EGFLAM: variants seen among roughly 807,000 people sequenced by gnomAD.
EGFLAM encodes the protein EGF like, fibronectin type III and laminin G domains, also known as pikachurin.
In EGFLAM, 79 loss-of-function variants were observed where a neutral mutation model predicts 113.1. The ratio of observed to expected loss-of-function variants is 0.70; its 90% confidence interval spans 0.58 to 0.84. The LOEUF is 0.84. EGFLAM is among the 40% of genes least tolerant of loss of function. The pLI is 0.00. For missense variants in EGFLAM, 1,265 were observed against 1,291.6 expected (o/e 0.98, Z 0.32); for synonymous variants, 504 against 487.6 (o/e 1.03, Z -0.44).
At chr5:38,337,409 T>C in intron 1 of EGFLAM, 111 bp from the exon 2 acceptor site, 1 of 1,015,014 alleles carries the variant, frequency 9.9e-7, no homozygotes, top group Non-Finnish European at 1.4e-6. Context: ...TCTGGAATTA[T>C]CTTTAAGTAT....
At chr5:38,414,883 C>T (rs950857942) in intron 11 of EGFLAM, among the ~76,000 whole-genome samples, 12 of 152,126 alleles carry the variant, frequency 7.9e-5, no homozygotes, top group Admixed American at 2.0e-4. Flanking sequence ...CCTAATCATA[C>T]AAAGGGACAG....
chr5:38,259,462 G>A lies in EGFLAM; in HGVS notation c.97+611G>A, dbSNP rs562346282. On this transcript the variant is annotated intron_variant, in intron 1 of 21. Coordinates refer to ENST00000322350, the MANE Select transcript of EGFLAM (RefSeq NM_152403.4). ...AACAAAGAAATGTACGTTGTAACCT[G>A]TTATAAGGGACTGGGAATTGGGGGA... Among the ~76,000 whole-genome samples, 14 of 152,326 alleles carry A rather than the reference G, an allele frequency of 9.2e-5. No individual in the cohort carries two copies. In the East Asian group the frequency reaches 1.7e-3, roughly 19 times the overall value.
chr5:38,448,654 G>A (rs1479907631), intron 18 of EGFLAM, among the ~76,000 whole-genome samples: 2 of 152,190 alleles, frequency 1.3e-5, no homozygotes, highest in African/African-American at 4.8e-5. Context: ...TGGAGAGAGA[G>A]ACACGACTGG....
chr5:38,420,260 A>T (rs1477573853), intron 12 of EGFLAM, among the ~76,000 whole-genome samples: 1 of 152,248 alleles, frequency 6.6e-6, no homozygotes, highest in Non-Finnish European at 1.5e-5. Context: ...ACTATAAAAG[A>T]TGAAGTTTAC....
intron 18 of EGFLAM, 44 bp from the exon 19 acceptor site, chr5:38,451,271 T>A (rs755517785): frequency 2.5e-6 from 4 of 1,597,524 alleles, no homozygotes; most frequent in Admixed American, 1.7e-5. Flanking sequence ...CGGAAACAGA[T>A]GTTGGTGGTT....
chr5:38,308,457 C>A (rs1237472108), intron 1 of EGFLAM, among the ~76,000 whole-genome samples: 1 of 152,190 alleles, frequency 6.6e-6, no homozygotes, highest in African/African-American at 2.4e-5. Context: ...TGGAAGAACA[C>A]CAATTTTGGA....
chr5:38,423,666 G>A (rs527711757), intron 12 of EGFLAM, among the ~76,000 whole-genome samples: 1 of 152,164 alleles, frequency 6.6e-6, no homozygotes, highest in Non-Finnish European at 1.5e-5. Context: ...AATGCTGGGG[G>A]TGACATTCTT....
chr5:38,412,728 C>T (rs1193239779), intron 11 of EGFLAM, 80 bp downstream of exon 11: 18 of 1,528,612 alleles, frequency 1.2e-5, no homozygotes, highest in African/African-American at 5.5e-5. Context: ...TGCAGAGAGC[C>T]GTGGCAGAGT....
At chr5:38,278,069 C>T (rs1757928209) in intron 1 of EGFLAM, among the ~76,000 whole-genome samples, 1 of 151,860 alleles carries the variant, frequency 6.6e-6, no homozygotes, top group African/African-American at 2.4e-5. Flanking sequence ...CCACAAAAGG[C>T]CCCAAATAAC....
chr5:38,453,747 T>A (rs1742995393), intron 19 of EGFLAM, among the ~76,000 whole-genome samples: 1 of 152,174 alleles, frequency 6.6e-6, no homozygotes, highest in Non-Finnish European at 1.5e-5. Flanking sequence ...TACTTGATTG[T>A]GCCCAGAAAA....
chr5:38,308,386 C>A (rs917606013), intron 1 of EGFLAM, among the ~76,000 whole-genome samples: 1 of 151,752 alleles, frequency 6.6e-6, no homozygotes, highest in East Asian at 1.9e-4. Flanking sequence ...GCTCATGAGA[C>A]CCTCCGCATG....
chr5:38,287,394 T>C (rs755539314), intron 1 of EGFLAM, among the ~76,000 whole-genome samples: 1 of 152,156 alleles, frequency 6.6e-6, no homozygotes, highest in Non-Finnish European at 1.5e-5. Context: ...GTTTTTGAGA[T>C]GAGGTCTCAC....
chr5:38,263,634 G>T (rs1056303292), intron 1 of EGFLAM, among the ~76,000 whole-genome samples: 1 of 152,096 alleles, frequency 6.6e-6, no homozygotes, highest in Non-Finnish European at 1.5e-5. Flanking sequence ...AAATGTAGAA[G>T]ATTTACATTT....
chr5:38,447,142 C>T (rs1378101354), intron 17 of EGFLAM, among the ~76,000 whole-genome samples: 1 of 152,166 alleles, frequency 6.6e-6, no homozygotes, highest in African/African-American at 2.4e-5. Context: ...GCCTCATCCC[C>T]CGTTCATGAC....
chr5:38,384,405 G>T (rs1046473426), intron 6 of EGFLAM, among the ~76,000 whole-genome samples: 1 of 152,094 alleles, frequency 6.6e-6, no homozygotes, highest in Non-Finnish European at 1.5e-5. Context: ...TGGTTACACC[G>T]CTCCATTCTC....
At chr5:38,445,092 A>G (rs1742664271) in intron 17 of EGFLAM, among the ~76,000 whole-genome samples, 1 of 152,044 alleles carries the variant, frequency 6.6e-6, no homozygotes, top group Non-Finnish European at 1.5e-5. Context: ...TAGTTTGACT[A>G]TTTTTTATTC....
chr5:38,448,171 C>T (rs1742781466), intron 17 of EGFLAM, 130 bp from the exon 18 acceptor site: 13 of 1,012,998 alleles, frequency 1.3e-5, no homozygotes, highest in Non-Finnish European at 2.0e-5. Context: ...TGCGTGCAGC[C>T]GAAGGGAAGG....
chr5:38,372,205 C>T (rs1740242108), intron 6 of EGFLAM, among the ~76,000 whole-genome samples: 1 of 151,720 alleles, frequency 6.6e-6, no homozygotes, highest in Non-Finnish European at 1.5e-5. Flanking sequence ...TGCAATGGCG[C>T]GATCTCGGCT....
chr5:38,403,563 C>A (rs960729169), intron 6 of EGFLAM: 37 of 347,044 alleles, frequency 1.1e-4, no homozygotes, highest in Non-Finnish European at 1.9e-4. Flanking sequence ...GGCTGCAGAC[C>A]ATGGGGCAGG....
Sources: gnomAD v4.1 joint callset for allele counts (sites outside exome capture counted in the v4.1 genomes callset) on GRCh38, gnomAD v4.1.1 for gene constraint, MANE v1.5 for transcripts, NCBI Gene and HGNC (gene_info 2026-07-23, HGNC 2026-07-21) for gene names.